Variants in TMED8 observed in about 807,000 individuals in gnomAD.
TMED8 encodes transmembrane p24 trafficking protein family member 8.
Under a neutral mutation model 32.7 loss-of-function variants are expected in TMED8, and 15 were observed. That is an observed-to-expected ratio of 0.46 (90% CI 0.31 to 0.71). The LOEUF is 0.71. Among genes scored for constraint, TMED8 ranks in the 30% least tolerant of loss-of-function variants. The pLI is 0.06. For synonymous variants in TMED8, 147 were observed against 161.4 expected (o/e 0.91, Z 0.68); for missense variants, 390 against 423.9 (o/e 0.92, Z 0.70).
intron 4 of TMED8, 105 bp downstream of exon 4, chr14:77,343,592 C>T (rs1239332793): frequency 1.6e-5 from 25 of 1,581,388 alleles, no homozygotes; most frequent in African/African-American, 2.7e-5. Flanking sequence ...ACTGGCTTGA[C>T]TTCCTTTCAC....
intron 1 of TMED8, among the ~76,000 whole-genome samples, chr14:77,353,430 C>A (rs1001029518): frequency 6.9e-6 from 1 of 145,438 alleles, no homozygotes; most frequent in South Asian, 2.2e-4. Flanking sequence ...TTTTTCTTTT[C>A]TTTTCTTTGT....
intron 1 of TMED8, among the ~76,000 whole-genome samples, chr14:77,353,435 C>CT (rs1427452421): frequency 9.4e-5 from 13 of 138,812 alleles, no homozygotes; most frequent in Non-Finnish European, 1.9e-4. Flanking sequence ...CTTTTCTTTT[C>CT]TTTGTTTTTT....
chr14:77,366,817 T>G (rs906526908), intron 1 of TMED8, among the ~76,000 whole-genome samples: 1 of 152,096 alleles, frequency 6.6e-6, no homozygotes, highest in African/African-American at 2.4e-5. Flanking sequence ...TTTCTATAGT[T>G]TAAGAAATTG....
At chr14:77,351,379 C>T in intron 2 of TMED8, among the ~76,000 whole-genome samples, 1 of 144,986 alleles carries the variant, frequency 6.9e-6, no homozygotes, top group East Asian at 2.1e-4. Context: ...CCAGCTACTA[C>T]AGGCGTGTAG....
At position 77,341,378 on chromosome 14, in the gene TMED8, G is replaced by A; in HGVS notation, c.*393C>T. On this transcript the variant is annotated 3_prime_UTR_variant, in exon 6 of 6. Coordinates refer to ENST00000216468, the MANE Select transcript of TMED8 (RefSeq NM_213601.3). ...GCACCTCAACAACTGAAGAGAGTGG[G>A]TGCCACTAAATGCACTGGCAATAAG... 4.6e-6 allele frequency: 1 copy of A among 218,318 alleles called. No homozygotes were observed. The highest frequency in any genetic ancestry group is 9.3e-6 in the Non-Finnish European group (1 of 107,338). 13.5% of individuals were successfully genotyped at this position (218,318 alleles called of 1,614,324 possible). A position where few individuals can be genotyped will look rare whatever the true frequency, so the allele number is the denominator to read the frequency against.
chr14:77,370,663 TC>T (rs1729414250), intron 1 of TMED8, among the ~76,000 whole-genome samples: 1 of 152,162 alleles, frequency 6.6e-6, no homozygotes, highest in African/African-American at 2.4e-5. Flanking sequence ...TCCTCCCATG[TC>T]AGTCCCTACC....
chr14:77,366,055 T>C (rs1718820892), intron 1 of TMED8, among the ~76,000 whole-genome samples: 1 of 152,232 alleles, frequency 6.6e-6, no homozygotes, highest in Admixed American at 6.5e-5. Flanking sequence ...TCAAATGACA[T>C]ATTCTACTGA....
chr14:77,356,189 A>G (rs1374474862), intron 1 of TMED8, among the ~76,000 whole-genome samples: 1 of 152,200 alleles, frequency 6.6e-6, no homozygotes, highest in African/African-American at 2.4e-5. Flanking sequence ...CACACATATG[A>G]AAGATTGCAT....
chr14:77,353,599 C>G (rs1046385934), intron 1 of TMED8, among the ~76,000 whole-genome samples: 1 of 151,502 alleles, frequency 6.6e-6, no homozygotes, highest in African/African-American at 2.4e-5. Flanking sequence ...CACAGGCACA[C>G]CCCACCATGC....
In TMED8 at chr14:77,376,069, C is replaced by A. The variant is rs1328559179; in HGVS notation, c.118+867G>T. 6.6e-6 allele frequency among the ~76,000 whole-genome samples: 1 copy of A among 152,224 alleles called. No individual in the cohort carries two copies. The highest frequency in any genetic ancestry group is 1.5e-5 in the Non-Finnish European group (1 of 68,038). The stretch of plus-strand genomic sequence containing the variant: ...ATTTGCTACTTAAATAAGACAAGTT[C>A]TCTCCCCTCTACCCTTTCGTATTTC... On this transcript the variant is annotated intron_variant, in intron 1 of 5. Transcript: ENST00000216468. This position sits in a 1 kb window ranked among gnomAD's most constrained non-coding sequence, Gnocchi z 4.0.
intron 2 of TMED8, among the ~76,000 whole-genome samples, chr14:77,348,430 A>AG (rs1893100851): frequency 6.6e-6 from 1 of 152,046 alleles, no homozygotes. Context: ...TCACCATGTT[A>AG]GCCAGGATGG....
chr14:77,344,156 T>A (rs1892975801), intron 3 of TMED8, among the ~76,000 whole-genome samples: 1 of 152,262 alleles, frequency 6.6e-6, no homozygotes, highest in Non-Finnish European at 1.5e-5. Flanking sequence ...GGGCCATGCC[T>A]TGGTCTTACC....
At chr14:77,349,105 C>G (rs1036055911) in intron 2 of TMED8, among the ~76,000 whole-genome samples, 1 of 85,558 alleles carries the variant, frequency 1.2e-5, no homozygotes, top group African/African-American at 5.1e-5. Context: ...ACTCTAAGGC[C>G]CTTTTTTTTT....
chr14:77,346,557 C>G, intron 2 of TMED8, 79 bp from the exon 3 acceptor site: 1 of 1,585,386 alleles, frequency 6.3e-7, no homozygotes, highest in Non-Finnish European at 8.6e-7. Flanking sequence ...TGAAATAAAA[C>G]AACATTCGAG....
At position 77,372,928 on chromosome 14, in the gene TMED8, ATATATATATATATATATATATATAT is replaced by A. The variant is rs1182826452; in HGVS notation, c.118+3983_118+4007del. On this transcript the variant is annotated intron_variant, in intron 1 of 5. Transcript: ENST00000216468. ...ATATTATATATATATATATATATAT[ATATATATATATATATATATATATAT>A]TTTTTTTTTTTTTTTTTTTTTTTTT... 1.4e-3 allele frequency among the ~76,000 whole-genome samples: 37 copies of A among 26,418 alleles called. 2 individuals are homozygous for A. The highest frequency in any genetic ancestry group is 0.011 in the African/African-American group (37 of 3,418). 17.3% of individuals were successfully genotyped at this position (26,418 alleles called of 152,430 possible). A position where few individuals can be genotyped will look rare whatever the true frequency, so the allele number is the denominator to read the frequency against.
rs1395344512 is a variant in TMED8, at chr14:77,335,385, A to G, written c.*6386T>C. On this transcript the variant is annotated 3_prime_UTR_variant, in exon 6 of 6. Transcript: ENST00000216468. Reference sequence around the variant, plus strand: ...TACTTTTGTATTTTAAAGAAAAAAGATAAAACAGTGACACGGTTTCCCTTC... The same window carrying G: ...TACTTTTGTATTTTAAAGAAAAAAGGTAAAACAGTGACACGGTTTCCCTTC... The G allele has an allele frequency of 6.6e-6, 1 of 152,248 alleles. No individual in the cohort carries two copies. The highest frequency in any genetic ancestry group is 1.5e-5 in the Non-Finnish European group (1 of 68,030). The allele number at this position is 152,248 out of a possible 1,614,324, so 9.4% of individuals were successfully genotyped here.
chr14:77,361,860 G>A (rs140421262), intron 1 of TMED8, among the ~76,000 whole-genome samples: 4,181 of 152,222 alleles, frequency 0.027, 189 homozygotes, highest in African/African-American at 0.096. Context: ...CACAATCACA[G>A]CTCACTGCAG....
chr14:77,366,326 G>A (rs72681279), intron 1 of TMED8, among the ~76,000 whole-genome samples: 2,722 of 152,290 alleles, frequency 0.018, 46 homozygotes, highest in Middle Eastern at 0.078. Context: ...CCTTCTCTTC[G>A]CAGTACCAGG....
chr14:77,359,904 A>C (rs1383295457), intron 1 of TMED8: 2 of 161,894 alleles, frequency 1.2e-5, no homozygotes, highest in African/African-American at 4.8e-5. Flanking sequence ...TAATAGAAAA[A>C]AAAATTGAAT....
Sources: gnomAD v4.1 joint callset for allele counts (sites outside exome capture counted in the v4.1 genomes callset) on GRCh38, gnomAD v4.1.1 for gene constraint, Gnocchi (gnomAD v3.1) non-coding constraint, MANE v1.5 for transcripts, NCBI Gene and HGNC (gene_info 2026-07-23, HGNC 2026-07-21) for gene names.